Variants in SHC4 observed in about 807,000 individuals in gnomAD.
SHC4 encodes SHC-transforming protein 4.
In SHC4, 41 loss-of-function variants were observed where a neutral mutation model predicts 69.4. That is an observed-to-expected ratio of 0.59 (90% CI 0.46 to 0.77). SHC4 has a LOEUF of 0.77. Ranked by LOEUF, SHC4 falls within the 30% of genes least tolerant of loss-of-function variation. The pLI, the probability that SHC4 is intolerant of heterozygous loss-of-function variation, is 0.00. For synonymous variants in SHC4, 318 were observed against 299.3 expected (o/e 1.06, Z -0.64); for missense variants, 777 against 783.8 (o/e 0.99, Z 0.10).
At chr15:48,948,267 G>C (rs1003979170) in intron 1 of SHC4, among the ~76,000 whole-genome samples, 2 of 152,196 alleles carry the variant, frequency 1.3e-5, no homozygotes, top group African/African-American at 4.8e-5. Context: ...AAGTTTAGTA[G>C]AAAAACAATT....
At chr15:48,961,295 A>G (rs1381149355) in intron 1 of SHC4, among the ~76,000 whole-genome samples, 1 of 152,216 alleles carries the variant, frequency 6.6e-6, no homozygotes. Flanking sequence ...CAGTATTTAC[A>G]ATCTCCTCAT....
intron 1 of SHC4, among the ~76,000 whole-genome samples, chr15:48,945,245 A>T (rs1267464583): frequency 1.3e-5 from 2 of 152,050 alleles, no homozygotes; most frequent in Non-Finnish European, 2.9e-5. Context: ...AAGCTCAACC[A>T]CTTGGGAATC....
At chr15:48,837,859 G>GA (rs1211256308) in intron 10 of SHC4, among the ~76,000 whole-genome samples, 5 of 152,082 alleles carry the variant, frequency 3.3e-5, no homozygotes, top group African/African-American at 1.2e-4. Context: ...TTAAGGAAGA[G>GA]AAAAAAATCT....
At chr15:48,860,629 TGAA>T (rs1434191933) in intron 6 of SHC4, among the ~76,000 whole-genome samples, 2 of 152,142 alleles carry the variant, frequency 1.3e-5, no homozygotes, top group East Asian at 3.8e-4. Context: ...TGTTGAGAGA[TGAA>T]GATGAGGAAG....
rs1406903817 is a variant in SHC4 at position 48,960,956 on chromosome 15, A to G, written c.585+1475T>C. On this transcript the variant is annotated intron_variant, in intron 1 of 11. Transcript: ENST00000332408. ...AACAACAATGGTAACAAAATAATCA[A>G]TCTACCCACTGCTCCATAAATGTTC... Among the ~76,000 whole-genome samples, 3 of 152,118 alleles carry G rather than the reference A, an allele frequency of 2.0e-5. No homozygotes were observed. In the East Asian group the frequency reaches 5.8e-4, roughly 29 times the overall value.
chr15:48,956,283 G>A (rs942652208), intron 1 of SHC4, among the ~76,000 whole-genome samples: 1 of 152,172 alleles, frequency 6.6e-6, no homozygotes, highest in Non-Finnish European at 1.5e-5. Context: ...TTTCTTTGCT[G>A]TGGGTACCTG....
intron 2 of SHC4, among the ~76,000 whole-genome samples, chr15:48,910,040 GT>G (rs1326574220): frequency 1.3e-5 from 2 of 152,032 alleles, no homozygotes; most frequent in Non-Finnish European, 2.9e-5. Context: ...TCCTTTTCTG[GT>G]TTTGGTATTA....
At chr15:48,962,078 G>C (rs1177818069) in intron 1 of SHC4, among the ~76,000 whole-genome samples, 1 of 152,186 alleles carries the variant, frequency 6.6e-6, no homozygotes, top group African/African-American at 2.4e-5. Flanking sequence ...TCACTGATCA[G>C]ATTTGAAGTC....
At chr15:48,886,276 T>C (rs973516664) in intron 3 of SHC4, among the ~76,000 whole-genome samples, 10 of 151,938 alleles carry the variant, frequency 6.6e-5, no homozygotes, top group African/African-American at 2.4e-4. Flanking sequence ...ATATATATTA[T>C]TATGAAATAC....
chr15:48,839,071 T>C (rs997214480), intron 10 of SHC4, among the ~76,000 whole-genome samples: 21 of 151,794 alleles, frequency 1.4e-4, no homozygotes, highest in Admixed American at 3.3e-4. Flanking sequence ...CTTGGGCACA[T>C]TGGAAAGATA....
intron 10 of SHC4, 72 bp from the exon 11 acceptor site, chr15:48,835,094 C>A: frequency 6.7e-7 from 1 of 1,500,430 alleles, no homozygotes; most frequent in South Asian, 1.3e-5. Context: ...TTTATTCACT[C>A]AGTAAATATA....
intron 9 of SHC4, among the ~76,000 whole-genome samples, chr15:48,849,111 G>A (rs771583408): frequency 3.3e-5 from 5 of 152,152 alleles, no homozygotes; most frequent in Admixed American, 6.5e-5. Flanking sequence ...GGATGCTGTT[G>A]TAGGTTCGAC....
intron 10 of SHC4, among the ~76,000 whole-genome samples, chr15:48,842,369 T>G (rs1899007957): frequency 6.6e-6 from 1 of 152,202 alleles, no homozygotes; most frequent in African/African-American, 2.4e-5. Flanking sequence ...AAATTCAAAA[T>G]TATCTCCTGG....
At chr15:48,855,198 GA>G (rs1278538779) in intron 8 of SHC4, among the ~76,000 whole-genome samples, 1 of 150,844 alleles carries the variant, frequency 6.6e-6, no homozygotes, top group Non-Finnish European at 1.5e-5. Context: ...AAGGTGGAAA[GA>G]AAAAAACTAA....
Position 48,825,914 on chromosome 15 carries a change from T to C in SHC4, c.*57A>G. 3.2e-6 allele frequency: 5 copies of C among 1,557,938 alleles called. No individual in the cohort carries two copies. Among genetic ancestry groups the C allele is most frequent in the Non-Finnish European group, 4.3e-6 (5 of 1,153,164 alleles). On this transcript the variant is annotated 3_prime_UTR_variant, in exon 12 of 12. Transcript: ENST00000332408. ...ACAAACAAAGTTTAAATTATCTTTG[T>C]GTCCTAATACAAAATGGGGTTTCTT...
intron 1 of SHC4, among the ~76,000 whole-genome samples, chr15:48,931,355 A>G (rs1285958059): frequency 6.6e-6 from 1 of 152,180 alleles, no homozygotes; most frequent in African/African-American, 2.4e-5. Flanking sequence ...TTTTTAGCCC[A>G]GGTTTTCTCC....
At chr15:48,853,376 G>T (rs918721533) in intron 8 of SHC4, among the ~76,000 whole-genome samples, 1 of 152,182 alleles carries the variant, frequency 6.6e-6, no homozygotes, top group Non-Finnish European at 1.5e-5. Flanking sequence ...TGGATTGGAA[G>T]AATCAATATC....
At chr15:48,855,347 T>G (rs1899291136) in intron 8 of SHC4, among the ~76,000 whole-genome samples, 2 of 152,140 alleles carry the variant, frequency 1.3e-5, no homozygotes. Context: ...GTGACCATTG[T>G]AAAAGTAACT....
At position 48,939,519 on chromosome 15, in the gene SHC4, C is replaced by A. The variant is rs2141032796; in HGVS notation, c.586-14570G>T. ...CATTAATCATCCAATTAACCATCTG[C>A]CCACACAATTCAATGAGCTCTTAGA... is the stretch of plus-strand genomic sequence containing the variant. On this transcript the variant is annotated intron_variant, in intron 1 of 11. Coordinates refer to ENST00000332408, the MANE Select transcript of SHC4 (RefSeq NM_203349.4). Among the ~76,000 whole-genome samples the A allele has an allele frequency of 2.6e-5, 4 of 152,330 alleles. No homozygotes were observed. In the South Asian group the frequency reaches 8.3e-4, roughly 32 times the overall value.
Sources: gnomAD v4.1 joint callset for allele counts (sites outside exome capture counted in the v4.1 genomes callset) on GRCh38, gnomAD v4.1.1 for gene constraint, MANE v1.5 for transcripts, NCBI Gene and HGNC (gene_info 2026-07-23, HGNC 2026-07-21) for gene names.